The following PDE7B variants were observed in gnomAD, a reference collection of about 807,000 sequenced individuals.
PDE7B encodes the protein phosphodiesterase 7B.
Under a neutral mutation model 56.2 loss-of-function variants are expected in PDE7B, and 29 were observed. That is an observed-to-expected ratio of 0.52 (90% confidence interval 0.38 to 0.70). The LOEUF is 0.70. Among genes scored for constraint, PDE7B ranks in the 30% least tolerant of loss-of-function variants. The pLI is 0.00. For synonymous variants in PDE7B, 197 were observed against 196.9 expected (o/e 1.00, Z 0.00); for missense variants, 490 against 565.0 (o/e 0.87, Z 1.35).
rs544564059 is a variant in PDE7B at position 136,181,160 on chromosome 6, G to T, written c.949-67G>T. ...ACTGAACAGCTTGATAGCCTCTTTG[G>T]CTTGGGGTGCTTTTGCAACTGAAAG... On this transcript the variant is annotated intron_variant, in intron 10 of 12. Transcript: ENST00000308191. 1.2e-5 allele frequency: 13 copies of T among 1,111,992 alleles called. No homozygotes were observed. In the African/African-American group the frequency reaches 1.5e-4, roughly 13 times the overall value. 68.9% of individuals were successfully genotyped at this position (1,111,992 alleles called of 1,614,324 possible). A position where few individuals can be genotyped will look rare whatever the true frequency, so the allele number is the denominator to read the frequency against.
intron 2 of PDE7B, among the ~76,000 whole-genome samples, chr6:136,077,499 G>A (rs767741657): frequency 2.0e-5 from 3 of 151,882 alleles, no homozygotes; most frequent in Non-Finnish European, 2.9e-5. Context: ...ATCATTGTAA[G>A]CCTTAGAGTG....
chr6:136,126,767 G>GT (rs1778029158), intron 3 of PDE7B, among the ~76,000 whole-genome samples: 1 of 151,928 alleles, frequency 6.6e-6, no homozygotes, highest in Non-Finnish European at 1.5e-5. Flanking sequence ...ATGCAAAGGC[G>GT]TAAGAATGCC....
chr6:135,909,775 G>C (rs1011221853), intron 1 of PDE7B, among the ~76,000 whole-genome samples: 2 of 152,154 alleles, frequency 1.3e-5, no homozygotes, highest in Non-Finnish European at 2.9e-5. Context: ...CTACGCAAAA[G>C]TGGCCTGGTG....
At chr6:135,935,090 A>AG (rs1774387772) in intron 1 of PDE7B, among the ~76,000 whole-genome samples, 8 of 86,278 alleles carry the variant, frequency 9.3e-5, no homozygotes, top group African/African-American at 4.1e-4. Flanking sequence ...ATAAATATAT[A>AG]ATATATATTT....
intron 1 of PDE7B, among the ~76,000 whole-genome samples, chr6:135,882,291 T>C (rs527308271): frequency 3.3e-5 from 5 of 152,328 alleles, no homozygotes; most frequent in African/African-American, 1.2e-4. Context: ...TTCCCTGAGT[T>C]ACTGACAGCG....
At chr6:135,970,338 G>A (rs112873190) in intron 2 of PDE7B, among the ~76,000 whole-genome samples, 2,029 of 152,092 alleles carry the variant, frequency 0.013, 55 homozygotes, top group African/African-American at 0.045. Flanking sequence ...AGGCAGAGAG[G>A]GCAACAGGTG....
At chr6:136,191,432 C>T (rs1044856537) in intron 12 of PDE7B, among the ~76,000 whole-genome samples, 182 bp from the exon 13 acceptor site, 3 of 152,144 alleles carry the variant, frequency 2.0e-5, no homozygotes, top group Admixed American at 6.5e-5. Context: ...TTTGGGAGGC[C>T]GAGGCGGGCG....
At chr6:136,075,856 T>G (rs1214041699) in intron 2 of PDE7B, among the ~76,000 whole-genome samples, 1 of 152,162 alleles carries the variant, frequency 6.6e-6, no homozygotes, top group Non-Finnish European at 1.5e-5. Flanking sequence ...CCTAACGACA[T>G]TACTCCTTTA....
intron 1 of PDE7B, among the ~76,000 whole-genome samples, chr6:135,893,825 C>T (rs1271691621): frequency 1.3e-5 from 2 of 152,058 alleles, no homozygotes; most frequent in Non-Finnish European, 2.9e-5. Flanking sequence ...TTCTTAATCC[C>T]AAGAATAATT....
At chr6:135,930,826 T>C (rs886675472) in intron 1 of PDE7B, among the ~76,000 whole-genome samples, 1 of 152,222 alleles carries the variant, frequency 6.6e-6, no homozygotes, top group Non-Finnish European at 1.5e-5. Context: ...CTTTCATGAT[T>C]TGCCATAAGA....
At chr6:135,859,159 A>T (rs893893203) in intron 1 of PDE7B, among the ~76,000 whole-genome samples, 2 of 152,190 alleles carry the variant, frequency 1.3e-5, no homozygotes, top group Non-Finnish European at 2.9e-5. Context: ...AAGTGTAGAA[A>T]GCATTCTTGT....
At chr6:135,868,077 T>C (rs1278196895) in intron 1 of PDE7B, among the ~76,000 whole-genome samples, 3 of 152,228 alleles carry the variant, frequency 2.0e-5, no homozygotes, top group African/African-American at 7.2e-5. Flanking sequence ...TCATACAATC[T>C]TGAGTAAGCA....
At chr6:135,980,877 G>A (rs1457300623) in intron 2 of PDE7B, among the ~76,000 whole-genome samples, 10 of 140,798 alleles carry the variant, frequency 7.1e-5, no homozygotes, top group Non-Finnish European at 1.1e-4. Context: ...TCAGTGTGGC[G>A]ATTCCTCAGG....
chr6:136,115,253 T>A (rs1362357561), intron 3 of PDE7B, among the ~76,000 whole-genome samples: 5 of 152,086 alleles, frequency 3.3e-5, no homozygotes, highest in African/African-American at 2.4e-5. Flanking sequence ...ATCTACGGGA[T>A]TCAGAGGAGT....
At chr6:136,071,299 A>G (rs1777046383) in intron 2 of PDE7B, 2 of 152,192 alleles carry the variant, frequency 1.3e-5, no homozygotes, top group Non-Finnish European at 2.9e-5. Context: ...TAACAACCTA[A>G]TAAATATATT....
At chr6:136,154,578 G>A (rs557734878) in intron 7 of PDE7B, among the ~76,000 whole-genome samples, 11 of 152,156 alleles carry the variant, frequency 7.2e-5, no homozygotes, top group Non-Finnish European at 1.6e-4. Flanking sequence ...ATCAACAAAT[G>A]GAATCAAAGC....
At chr6:135,998,248 GC>G (rs1775601072) in intron 2 of PDE7B, among the ~76,000 whole-genome samples, 1 of 152,018 alleles carries the variant, frequency 6.6e-6, no homozygotes, top group South Asian at 2.1e-4. Context: ...TATTCTTTCT[GC>G]CACCAGTTGG....
intron 2 of PDE7B, among the ~76,000 whole-genome samples, chr6:136,054,865 G>T (rs908928247): frequency 5.9e-5 from 9 of 152,190 alleles, no homozygotes; most frequent in African/African-American, 1.9e-4. Flanking sequence ...AAGAGAGTGT[G>T]TGCAGGGGAA....
intron 2 of PDE7B, among the ~76,000 whole-genome samples, chr6:136,021,738 A>G (rs1474664378): frequency 6.6e-6 from 1 of 151,526 alleles, no homozygotes; most frequent in Non-Finnish European, 1.5e-5. Context: ...CTTGAATTGT[A>G]TTAGCCTCCT....
Sources: gnomAD v4.1 joint callset for allele counts (sites outside exome capture counted in the v4.1 genomes callset) on GRCh38, gnomAD v4.1.1 for gene constraint, MANE v1.5 for transcripts, NCBI Gene and HGNC (gene_info 2026-07-23, HGNC 2026-07-21) for gene names.